Variants in RBFOX1 observed in about 807,000 individuals in gnomAD.
The protein encoded by RBFOX1 is RNA binding fox-1 homolog 1.
A neutral mutation model predicts 57.7 loss-of-function variants in RBFOX1; 8 were observed. The observed-to-expected ratio is 0.14, with a 90% CI of 0.08 to 0.25. The LOEUF is 0.25. Ranked by LOEUF, RBFOX1 falls within the 10% of genes least tolerant of loss-of-function variation. The pLI, the probability that RBFOX1 is intolerant of heterozygous loss-of-function variation, is 1.00. For synonymous variants in RBFOX1, 326 were observed against 222.4 expected (o/e 1.47, Z -4.15); for missense variants, 611 against 548.5 (o/e 1.11, Z -1.14).
intron 1 of RBFOX1, among the ~76,000 whole-genome samples, chr16:5,305,745 G>A (rs866807203): frequency 6.6e-6 from 1 of 152,154 alleles, no homozygotes; most frequent in African/African-American, 2.4e-5. Context: ...TTTAAACAGC[G>A]AATTATACTT....
intron 4 of RBFOX1, among the ~76,000 whole-genome samples, chr16:7,133,948 G>C (rs1036186343): frequency 1.3e-5 from 2 of 152,054 alleles, no homozygotes; most frequent in African/African-American, 4.8e-5. Flanking sequence ...AATATGTCAG[G>C]GTATTTGTCA....
intron 4 of RBFOX1, among the ~76,000 whole-genome samples, chr16:7,360,588 AG>A (rs1472320809): frequency 6.6e-6 from 1 of 152,192 alleles, no homozygotes; most frequent in African/African-American, 2.4e-5. Flanking sequence ...GGTGTTTGAA[AG>A]GACGTTTCCT....
intron 3 of RBFOX1, among the ~76,000 whole-genome samples, chr16:5,784,463 T>C (rs955410226): frequency 1.3e-5 from 2 of 151,612 alleles, no homozygotes; most frequent in African/African-American, 4.8e-5. Flanking sequence ...ACATCTTACA[T>C]GGCCAGAGCA....
intron 2 of RBFOX1, among the ~76,000 whole-genome samples, chr16:6,470,179 A>G (rs904478668): frequency 1.3e-5 from 2 of 152,216 alleles, no homozygotes; most frequent in East Asian, 3.9e-4. Context: ...GCATCCAGGT[A>G]GGGCTGGCTG....
chr16:7,117,354 T>C (rs564566973), intron 4 of RBFOX1, among the ~76,000 whole-genome samples: 15 of 152,252 alleles, frequency 9.9e-5, no homozygotes, highest in East Asian at 9.7e-4. Context: ...CCCTAAAATG[T>C]TATGTGTTTT....
At chr16:6,870,344 G>A (rs867917463) in intron 3 of RBFOX1, among the ~76,000 whole-genome samples, 1 of 152,094 alleles carries the variant, frequency 6.6e-6, no homozygotes, top group South Asian at 2.1e-4. Flanking sequence ...ACAGAAATCT[G>A]ATATTCCAAG....
chr16:5,691,481 T>G (rs959084072), intron 3 of RBFOX1, among the ~76,000 whole-genome samples: 41 of 152,246 alleles, frequency 2.7e-4, no homozygotes, highest in Admixed American at 1.3e-4. Context: ...ATGGCAACTT[T>G]TAAAATATGT....
intron 3 of RBFOX1, among the ~76,000 whole-genome samples, chr16:6,944,557 T>A (rs2079133244): frequency 6.6e-6 from 1 of 152,172 alleles, no homozygotes; most frequent in Non-Finnish European, 1.5e-5. Flanking sequence ...TTTGTAGACC[T>A]CTTAGGAAAT....
intron 2 of RBFOX1, among the ~76,000 whole-genome samples, chr16:6,588,651 G>C (rs2097665658): frequency 2.6e-5 from 4 of 152,088 alleles, no homozygotes; most frequent in African/African-American, 2.4e-5. Flanking sequence ...GACTAAGTCT[G>C]AAAAACAAAA....
At chr16:6,820,141 C>G (rs1480691007) in intron 3 of RBFOX1, among the ~76,000 whole-genome samples, 1 of 152,194 alleles carries the variant, frequency 6.6e-6, no homozygotes, top group Non-Finnish European at 1.5e-5. Flanking sequence ...GACACACTGT[C>G]TCTTGCCTGC....
chr16:6,592,629 G>A (rs992468974), intron 2 of RBFOX1, among the ~76,000 whole-genome samples: 9 of 152,146 alleles, frequency 5.9e-5, no homozygotes, highest in African/African-American at 1.4e-4. Flanking sequence ...ATGGGGAAGC[G>A]GAAGTTCTGC....
At chr16:6,386,283 C>A (rs1394408362) in intron 2 of RBFOX1, among the ~76,000 whole-genome samples, 1 of 152,188 alleles carries the variant, frequency 6.6e-6, no homozygotes, top group Non-Finnish European at 1.5e-5. Context: ...CTTACTGCAG[C>A]TTAGTTTGGG....
At chr16:5,907,229 GT>G (rs2058481765) in intron 4 of RBFOX1, among the ~76,000 whole-genome samples, 1 of 152,188 alleles carries the variant, frequency 6.6e-6, no homozygotes, top group South Asian at 2.1e-4. Context: ...AAATCATGCA[GT>G]TGGAAGAGCG....
intron 3 of RBFOX1, among the ~76,000 whole-genome samples, chr16:5,648,428 A>G (rs1387199067): frequency 2.6e-5 from 4 of 152,222 alleles, no homozygotes; most frequent in Non-Finnish European, 5.9e-5. Flanking sequence ...CTGGGCTGAC[A>G]TAGGTTTCAT....
chr16:5,372,496 A>G (rs1181385003), intron 1 of RBFOX1, among the ~76,000 whole-genome samples: 2 of 152,226 alleles, frequency 1.3e-5, no homozygotes, highest in Non-Finnish European at 2.9e-5. Flanking sequence ...AGAAATGCTC[A>G]GTCTCCAGGA....
chr16:5,636,737 G>A (rs1052860632), intron 3 of RBFOX1, among the ~76,000 whole-genome samples: 4 of 152,236 alleles, frequency 2.6e-5, no homozygotes, highest in African/African-American at 9.6e-5. Context: ...TGGACCAGGT[G>A]AGACCGCAGG....
intron 2 of RBFOX1, among the ~76,000 whole-genome samples, chr16:6,472,555 GTCA>G (rs1165372818): frequency 2.0e-5 from 3 of 152,064 alleles, no homozygotes; most frequent in African/African-American, 7.2e-5. Context: ...GAAAGTGTGA[GTCA>G]TCATCTCTCT....
intron 3 of RBFOX1, among the ~76,000 whole-genome samples, chr16:5,844,772 G>A (rs917418932): frequency 2.6e-5 from 4 of 152,168 alleles, no homozygotes; most frequent in African/African-American, 9.7e-5. Context: ...GGCACATTGC[G>A]ACTTTGATTT....
chr16:6,500,876 GTT>G (rs1190261525), intron 2 of RBFOX1, among the ~76,000 whole-genome samples: 2,459 of 29,550 alleles, frequency 0.083, 82 homozygotes, highest in African/African-American at 0.16. Context: ...TTGGGGAGTA[GTT>G]TTTTTTTTTT....
Sources: gnomAD v4.1 joint callset for allele counts (sites outside exome capture counted in the v4.1 genomes callset) on GRCh38, gnomAD v4.1.1 for gene constraint, MANE v1.5 for transcripts, NCBI Gene and HGNC (gene_info 2026-07-23, HGNC 2026-07-21) for gene names.